Variants in NRG1 observed in about 807,000 individuals in gnomAD.
The protein encoded by NRG1 is neuregulin 1.
In NRG1, 18 loss-of-function variants were observed where a neutral mutation model predicts 63.8. The observed-to-expected ratio is 0.28, with a 90% CI of 0.19 to 0.42. The LOEUF is 0.42. NRG1 is among the 10% of genes least tolerant of loss of function. The probability of loss-of-function intolerance (pLI) is 1.00; values close to 1 mark genes in which losing one functional copy is unlikely to be tolerated. For missense variants in NRG1, 762 were observed against 814.7 expected (o/e 0.94, Z 0.79); for synonymous variants, 302 against 301.3 (o/e 1.00, Z -0.02).
At chr8:32,700,147 A>G (rs1294734315) in intron 5 of NRG1, among the ~76,000 whole-genome samples, 1 of 152,214 alleles carries the variant, frequency 6.6e-6, no homozygotes, top group African/African-American at 2.4e-5. Flanking sequence ...TGTTCTGATT[A>G]AAACTCTGTA....
intron 5 of NRG1, among the ~76,000 whole-genome samples, chr8:32,662,358 T>G (rs919308899): frequency 3.9e-5 from 6 of 152,150 alleles, no homozygotes; most frequent in African/African-American, 1.2e-4. Flanking sequence ...ATGGCTTAAG[T>G]GTAGCATGGG....
At chr8:32,189,367 C>G (rs990999014) in intron 1 of NRG1, among the ~76,000 whole-genome samples, 2 of 152,110 alleles carry the variant, frequency 1.3e-5, no homozygotes, top group Non-Finnish European at 2.9e-5. Context: ...ATTTGCTTAT[C>G]AACCTGTGTT....
intron 1 of NRG1, among the ~76,000 whole-genome samples, chr8:31,733,511 G>T (rs901161182): frequency 1.3e-5 from 2 of 152,130 alleles, no homozygotes; most frequent in Non-Finnish European, 2.9e-5. Flanking sequence ...ACAGTTTGGT[G>T]TAGTTCACTG....
At position 31,912,247 on chromosome 8, in the gene NRG1, G is replaced by GT. The variant is rs563550259; in HGVS notation, c.37+272822dup. Among the ~76,000 whole-genome samples the GT allele has an allele frequency of 1.4e-4, 21 of 152,238 alleles. No individual in the cohort carries two copies. In the East Asian group the frequency reaches 4.1e-3, roughly 29 times the overall value. ...GCTGATGTGTTTATGATTGATAACT[G>GT]TTTTTTGTCAGCTTTTTAATTTTAG... On this transcript the variant is annotated intron_variant, in intron 1 of 10. Coordinates refer to the NRG1 transcript ENST00000519301.
At position 32,454,573 on chromosome 8, in the gene NRG1, C is replaced by CTT. The variant is rs1158217383; in HGVS notation, c.38-141230_38-141229dup. 2.7e-3 allele frequency among the ~76,000 whole-genome samples: 203 copies of CTT among 76,454 alleles called. 13 individuals carry two copies. The highest frequency in any genetic ancestry group is 0.023 in the East Asian group (51 of 2,242). The allele number at this position is 76,454 out of a possible 152,430, so 50.2% of individuals were successfully genotyped here. A position where few individuals can be genotyped will look rare whatever the true frequency, so the allele number is the denominator to read the frequency against. On this transcript the variant is annotated intron_variant, in intron 1 of 10. Coordinates refer to the NRG1 transcript ENST00000519301. ...TGTGCCCAGTCCTCTTCCCATCCCT[C>CTT]TTTTTTTTTTTTTTTTTTTTTTTTT...
intron 1 of NRG1, among the ~76,000 whole-genome samples, chr8:32,244,350 T>C (rs1026564848): frequency 6.6e-6 from 1 of 152,154 alleles, no homozygotes; most frequent in Non-Finnish European, 1.5e-5. Context: ...AAATATTGAG[T>C]CTTGGTAGAA....
intron 10 of NRG1, 134 bp downstream of exon 10, chr8:32,759,570 T>G: frequency 4.5e-6 from 5 of 1,114,128 alleles, no homozygotes; most frequent in Non-Finnish European, 6.2e-6. Flanking sequence ...GAAAATCAAC[T>G]GGCTTTGCCC....
chr8:32,333,502 A>G (rs1272033407), intron 1 of NRG1, among the ~76,000 whole-genome samples: 1 of 152,196 alleles, frequency 6.6e-6, no homozygotes, highest in Non-Finnish European at 1.5e-5. Context: ...TGGAAGTCAG[A>G]TTTTAGAAAG....
At chr8:31,943,358 T>C (rs899297626) in intron 1 of NRG1, among the ~76,000 whole-genome samples, 2 of 152,028 alleles carry the variant, frequency 1.3e-5, no homozygotes, top group East Asian at 1.9e-4. Context: ...ATAAGAATGA[T>C]ACATTGGACT....
rs540854800 is a variant in NRG1, at chr8:31,678,577, A to C, written c.37+39146A>C. ...TTTTTCCATATATATTTTTTTGACAAGTCTGTGTGACCCAATTTAAACTTT... is the reference window on the plus strand; with the variant it reads ...TTTTTCCATATATATTTTTTTGACACGTCTGTGTGACCCAATTTAAACTTT... On this transcript the variant is annotated intron_variant, in intron 1 of 10. Transcript: ENST00000519301. Among the ~76,000 whole-genome samples, 68 of 151,896 alleles carry C rather than the reference A, an allele frequency of 4.5e-4. 1 individual carries two copies. The South Asian group carries it at 0.013, about 28-fold the overall frequency.
chr8:32,760,890 T>C (rs1318375304), intron 11 of NRG1: 5 of 995,232 alleles, frequency 5.0e-6, no homozygotes, highest in South Asian at 4.5e-5. Flanking sequence ...GGCTATGTCA[T>C]TGCTGAATGT....
chr8:31,743,518 T>C (rs1451308186), intron 1 of NRG1, among the ~76,000 whole-genome samples: 3 of 151,958 alleles, frequency 2.0e-5, no homozygotes, highest in South Asian at 2.1e-4. Flanking sequence ...ACCATGGTCA[T>C]CATAAGCTAT....
At chr8:32,281,062 G>A (rs111260176) in intron 1 of NRG1, among the ~76,000 whole-genome samples, 20 of 151,460 alleles carry the variant, frequency 1.3e-4, no homozygotes, top group African/African-American at 3.1e-4. Context: ...TTTATTTTAC[G>A]TTCAGATGGC....
intron 1 of NRG1, among the ~76,000 whole-genome samples, chr8:31,852,168 C>T (rs1460722780): frequency 6.6e-6 from 1 of 152,118 alleles, no homozygotes; most frequent in Non-Finnish European, 1.5e-5. Context: ...GTTCTAGATC[C>T]CTGAGGAATC....
intron 1 of NRG1, among the ~76,000 whole-genome samples, chr8:31,666,116 T>C (rs1286890680): frequency 1.3e-5 from 2 of 152,154 alleles, no homozygotes; most frequent in Non-Finnish European, 2.9e-5. Context: ...ATTGCATTAA[T>C]TACAAACTTC....
chr8:32,016,858 G>A (rs190000791), intron 1 of NRG1, among the ~76,000 whole-genome samples: 1 of 152,316 alleles, frequency 6.6e-6, no homozygotes, highest in Non-Finnish European at 1.5e-5. Flanking sequence ...CCCAATCAGA[G>A]GCTGTTGTGT....
intron 5 of NRG1, among the ~76,000 whole-genome samples, chr8:32,677,147 G>T (rs778785968): frequency 2.3e-4 from 35 of 152,126 alleles, no homozygotes; most frequent in Non-Finnish European, 4.0e-4. Context: ...GAAGTTTAAG[G>T]TTCATGAATC....
intron 3 of NRG1, among the ~76,000 whole-genome samples, chr8:32,608,112 T>TGG (rs1845662367): frequency 7.2e-6 from 1 of 138,814 alleles, no homozygotes; most frequent in Non-Finnish European, 1.5e-5. Flanking sequence ...TTTTTGTTTT[T>TGG]TTTTTTTTTT....
intron 1 of NRG1, among the ~76,000 whole-genome samples, chr8:32,196,316 G>C (rs1474359114): frequency 6.6e-6 from 1 of 152,168 alleles, no homozygotes; most frequent in Non-Finnish European, 1.5e-5. Flanking sequence ...AAGGGTAGAG[G>C]AAATCATGCA....
Sources: allele counts gnomAD v4.1 joint callset (sites outside exome capture counted in the v4.1 genomes callset), GRCh38; gene constraint gnomAD v4.1.1; transcripts MANE v1.5; gene names NCBI Gene and HGNC (gene_info 2026-07-23, HGNC 2026-07-21).